The following RAI14 variants were observed in gnomAD, a reference collection of about 807,000 sequenced individuals.
RAI14 encodes the protein retinoic acid induced 14, also known as ankycorbin.
Under a neutral mutation model 115.4 loss-of-function variants are expected in RAI14, and 45 were observed. The ratio of observed to expected loss-of-function variants is 0.39; its 90% CI spans 0.31 to 0.50. RAI14 has a LOEUF of 0.50. Among genes scored for constraint, RAI14 ranks in the 20% least tolerant of loss-of-function variants. The pLI, the probability that RAI14 is intolerant of heterozygous loss-of-function variation, is 0.85. For synonymous variants in RAI14, 371 were observed against 415.4 expected (o/e 0.89, Z 1.30); for missense variants, 939 against 1,131.2 (o/e 0.83, Z 2.44).
intron 2 of RAI14, among the ~76,000 whole-genome samples, chr5:34,701,044 T>C (rs1414426312): frequency 6.6e-6 from 1 of 152,174 alleles, no homozygotes; most frequent in Non-Finnish European, 1.5e-5. Context: ...CTGGTTTTGA[T>C]GGGGCAGCTA....
At chr5:34,780,901 C>T (rs2150159538) in intron 3 of RAI14, among the ~76,000 whole-genome samples, 1 of 152,234 alleles carries the variant, frequency 6.6e-6, no homozygotes, top group South Asian at 2.1e-4. Flanking sequence ...AATTATGCTG[C>T]TATAAAGTCA....
At chr5:34,776,023 G>A (rs530346313) in intron 3 of RAI14, among the ~76,000 whole-genome samples, 2 of 152,136 alleles carry the variant, frequency 1.3e-5, no homozygotes, top group Non-Finnish European at 2.9e-5. Context: ...CAACCTAAGT[G>A]TCCATCATCA....
chr5:34,810,117 A>G (rs943333886), intron 7 of RAI14, among the ~76,000 whole-genome samples: 3 of 152,224 alleles, frequency 2.0e-5, no homozygotes, highest in African/African-American at 2.4e-5. Context: ...TCTTTATGAC[A>G]ATACTCAATC....
intron 2 of RAI14, among the ~76,000 whole-genome samples, chr5:34,744,315 C>G (rs1043362162): frequency 6.6e-6 from 1 of 152,100 alleles, no homozygotes; most frequent in Admixed American, 6.6e-5. Context: ...TTCACAGAGG[C>G]CTTATGAACA....
chr5:34,712,172 C>A (rs943405850), intron 2 of RAI14, among the ~76,000 whole-genome samples: 10 of 152,144 alleles, frequency 6.6e-5, no homozygotes, highest in Non-Finnish European at 1.5e-4. Flanking sequence ...ACAGTAGAAC[C>A]TAATCTTTAT....
chr5:34,699,936 G>A (rs879504680), intron 2 of RAI14, among the ~76,000 whole-genome samples: 2 of 152,198 alleles, frequency 1.3e-5, no homozygotes, highest in East Asian at 1.9e-4. Context: ...TGACAGGGAC[G>A]CCTAGGAGCC....
At chr5:34,820,481 G>A (rs1561081858) in intron 13 of RAI14, among the ~76,000 whole-genome samples, 1 of 152,160 alleles carries the variant, frequency 6.6e-6, no homozygotes, top group African/African-American at 2.4e-5. Context: ...TAATTATTGA[G>A]CATGCCTGTA....
chr5:34,749,241 C>T (rs1429324552), intron 2 of RAI14, among the ~76,000 whole-genome samples: 1 of 152,214 alleles, frequency 6.6e-6, no homozygotes, highest in African/African-American at 2.4e-5. Context: ...CTCCAGATGG[C>T]TGCCCGAGCA....
At position 34,823,445 on chromosome 5, in the gene RAI14, C is replaced by A. The variant is rs374674576; in HGVS notation, c.1603C>A (p.Leu535Ile). The A allele has an allele frequency of 1.4e-5, 22 of 1,613,856 alleles. No homozygotes were observed. Among genetic ancestry groups the A allele is most frequent in the Non-Finnish European group, 1.4e-5 (17 of 1,180,002 alleles). ...GGTCACGGAAGAGGAAATAAATGTG[C>A]TAAAGCAGGATCTGCAGAATGCATT... Reference protein sequence around the residue: ...LRVTEEEINVLKQDLQNALEE... With the variant: ...LRVTEEEINVIKQDLQNALEE... The change falls in exon 15 of 18, where the codon CTA (leucine) becomes ATA (isoleucine). Residue 535 changes from leucine (L) to isoleucine (I), a missense_variant. By Grantham distance (5) the Leu-to-Ile change is conservative (BLOSUM62 2). Transcript: ENST00000265109. The surrounding 1 kb of genome is among the most constrained non-coding windows in gnomAD (Gnocchi z 4.5).
intron 2 of RAI14, among the ~76,000 whole-genome samples, chr5:34,692,416 A>G (rs1003803057): frequency 6.6e-6 from 1 of 151,840 alleles, no homozygotes; most frequent in African/African-American, 2.4e-5. Flanking sequence ...ATGCACATAC[A>G]CACAATGGGA....
intron 5 of RAI14, among the ~76,000 whole-genome samples, chr5:34,804,794 C>T (rs887769530): frequency 2.6e-5 from 4 of 152,234 alleles, no homozygotes; most frequent in South Asian, 2.1e-4. Context: ...TTACCTGCCT[C>T]TTCTGGGACC....
chr5:34,725,049 G>GA (rs890093016), intron 2 of RAI14, among the ~76,000 whole-genome samples: 22 of 145,228 alleles, frequency 1.5e-4, no homozygotes, highest in Admixed American at 2.7e-4. Context: ...GAGAGAGAGG[G>GA]AAAAAAAAAA....
intron 2 of RAI14, among the ~76,000 whole-genome samples, chr5:34,697,172 C>T (rs1579941915): frequency 6.6e-6 from 1 of 151,806 alleles, no homozygotes; most frequent in Non-Finnish European, 1.5e-5. Context: ...TGCGGTGGCT[C>T]ACGCCTGTAA....
chr5:34,784,479 C>G (rs1752047342), intron 3 of RAI14, among the ~76,000 whole-genome samples: 1 of 152,188 alleles, frequency 6.6e-6, no homozygotes, highest in Admixed American at 6.5e-5. Context: ...TTTATAAAAG[C>G]TTGCTGTATT....
intron 2 of RAI14, among the ~76,000 whole-genome samples, chr5:34,690,311 GGAA>G (rs1192505610): frequency 6.6e-6 from 1 of 152,112 alleles, no homozygotes; most frequent in African/African-American, 2.4e-5. Context: ...TGAGGGAAAA[GGAA>G]GAAGAAAGGA....
At chr5:34,765,845 A>G (rs989373834) in intron 3 of RAI14, among the ~76,000 whole-genome samples, 10 of 152,284 alleles carry the variant, frequency 6.6e-5, no homozygotes, top group African/African-American at 2.4e-4. Context: ...CCCAGGAGGA[A>G]AAAGTGGTTT....
intron 2 of RAI14, among the ~76,000 whole-genome samples, chr5:34,732,252 A>G (rs965700354): frequency 2.0e-5 from 3 of 152,140 alleles, no homozygotes; most frequent in African/African-American, 7.2e-5. Context: ...ACCCTTGCCC[A>G]GGAGGGGTTT....
intron 7 of RAI14, among the ~76,000 whole-genome samples, chr5:34,809,313 A>G (rs112384174): frequency 0.14 from 21,453 of 152,202 alleles, 2,058 homozygotes; most frequent in Non-Finnish European, 0.2. Flanking sequence ...TGTTTTTAGT[A>G]GTGGTATTTC....
chr5:34,814,808 T>G (rs984598158), intron 12 of RAI14, 139 bp downstream of exon 12: 3 of 666,406 alleles, frequency 4.5e-6, no homozygotes, highest in Non-Finnish European at 7.7e-6. Flanking sequence ...AAGTACCCCT[T>G]GATTATTTTT....
Sources: allele counts gnomAD v4.1 joint callset (sites outside exome capture counted in the v4.1 genomes callset), GRCh38; gene constraint gnomAD v4.1.1; non-coding constraint Gnocchi (gnomAD v3.1); transcripts MANE v1.5; gene names NCBI Gene and HGNC (gene_info 2026-07-23, HGNC 2026-07-21).